The following CACNG3 variants were observed in gnomAD, a reference collection of about 807,000 sequenced individuals.
The protein encoded by CACNG3 is voltage-dependent calcium channel gamma-3 subunit.
A neutral mutation model predicts 28.5 loss-of-function variants in CACNG3; 3 were observed. The ratio of observed to expected loss-of-function variants is 0.11; its 90% CI spans 0.05 to 0.27. The LOEUF (loss-of-function observed/expected upper bound fraction) is 0.27, where lower values mean the gene tolerates loss of function less well. Ranked by LOEUF, CACNG3 falls within the 10% of genes least tolerant of loss-of-function variation. CACNG3 has a pLI of 1.00. For synonymous variants in CACNG3, 174 were observed against 162.2 expected (o/e 1.07, Z -0.55); for missense variants, 236 against 414.4 (o/e 0.57, Z 3.74).
At chr16:24,267,933 A>G (rs1442463526) in intron 1 of CACNG3, among the ~76,000 whole-genome samples, 1 of 152,152 alleles carries the variant, frequency 6.6e-6, no homozygotes, top group African/African-American at 2.4e-5. Context: ...GGCCTCCCAG[A>G]GTGCTGGGAT....
intron 1 of CACNG3, among the ~76,000 whole-genome samples, chr16:24,267,957 T>C (rs2189291): frequency 0.63 from 96,449 of 152,100 alleles, 31,321 homozygotes; most frequent in East Asian, 0.79. Context: ...AGCCGTGAGC[T>C]ACCGTGCCCG....
chr16:24,289,186 C>A (rs968638065), intron 1 of CACNG3, among the ~76,000 whole-genome samples: 23 of 152,154 alleles, frequency 1.5e-4, no homozygotes, highest in Non-Finnish European at 3.2e-4. Context: ...AGAGCTTCCC[C>A]TCTCCTTCCC....
chr16:24,297,821 A>G (rs1266804376), intron 1 of CACNG3, among the ~76,000 whole-genome samples: 1 of 152,202 alleles, frequency 6.6e-6, no homozygotes, highest in African/African-American at 2.4e-5. Flanking sequence ...AGACGTGGTC[A>G]GCAAGAAAAC....
chr16:24,296,009 A>G (rs1348069726), intron 1 of CACNG3, among the ~76,000 whole-genome samples: 3 of 152,234 alleles, frequency 2.0e-5, no homozygotes, highest in Non-Finnish European at 2.9e-5. Flanking sequence ...ACCTTTAGCT[A>G]TCATGCTCTA....
At chr16:24,321,750 G>A (rs1368411241) in intron 1 of CACNG3, among the ~76,000 whole-genome samples, 1 of 152,166 alleles carries the variant, frequency 6.6e-6, no homozygotes, top group African/African-American at 2.4e-5. Flanking sequence ...GTAAATTCAG[G>A]CAAGTTTTGC....
At chr16:24,288,575 G>T (rs1381485321) in intron 1 of CACNG3, among the ~76,000 whole-genome samples, 1 of 152,160 alleles carries the variant, frequency 6.6e-6, no homozygotes. Flanking sequence ...AAAGAAAACA[G>T]ATTTTATATC....
intron 1 of CACNG3, among the ~76,000 whole-genome samples, chr16:24,258,497 G>A (rs2141342320): frequency 6.6e-6 from 1 of 152,212 alleles, no homozygotes; most frequent in African/African-American, 2.4e-5. Context: ...TGGATTAGGT[G>A]GTCTTGAATT....
chr16:24,299,496 G>C (rs969264358), intron 1 of CACNG3, among the ~76,000 whole-genome samples: 1 of 152,172 alleles, frequency 6.6e-6, no homozygotes, highest in Non-Finnish European at 1.5e-5. Flanking sequence ...TGGTTCCTTT[G>C]ACTGGAGAAT....
chr16:24,354,519 G>A (rs1900002563), intron 2 of CACNG3, among the ~76,000 whole-genome samples: 1 of 152,120 alleles, frequency 6.6e-6, no homozygotes. Flanking sequence ...GGTAGAGAGT[G>A]GAGTTCCACA....
intron 1 of CACNG3, among the ~76,000 whole-genome samples, chr16:24,331,306 G>A (rs1899628559): frequency 6.6e-6 from 1 of 152,208 alleles, no homozygotes; most frequent in Non-Finnish European, 1.5e-5. Context: ...CTCAAAACCA[G>A]GCTCTTTAGA....
At chr16:24,286,168 A>G (rs1319930945) in intron 1 of CACNG3, among the ~76,000 whole-genome samples, 5 of 152,124 alleles carry the variant, frequency 3.3e-5, no homozygotes, top group Non-Finnish European at 7.4e-5. Context: ...TTGTTCATGG[A>G]CATTCATCTT....
At chr16:24,357,229 T>G (rs1323959205) in intron 3 of CACNG3, among the ~76,000 whole-genome samples, 3 of 92,694 alleles carry the variant, frequency 3.2e-5, no homozygotes, top group Admixed American at 1.3e-4. Flanking sequence ...TGACACTCCA[T>G]CTTAAAAAAA....
At chr16:24,288,666 A>C (rs1898926215) in intron 1 of CACNG3, among the ~76,000 whole-genome samples, 1 of 152,198 alleles carries the variant, frequency 6.6e-6, no homozygotes, top group South Asian at 2.1e-4. Context: ...TCATGGCCAC[A>C]CATACTGTCT....
Position 24,277,983 on chromosome 16 carries a change from G to A in CACNG3, c.211+21018G>A, listed in dbSNP as rs138839755. Among the ~76,000 whole-genome samples, 129 of 152,258 alleles carry A rather than the reference G, an allele frequency of 8.5e-4. 1 individual carries two copies. The highest frequency in any genetic ancestry group is 3.0e-3 in the African/African-American group (124 of 41,560). On this transcript the variant is annotated intron_variant, in intron 1 of 3. Coordinates refer to ENST00000005284, the MANE Select transcript of CACNG3 (RefSeq NM_006539.4). ...TTCTGCCTTGGACTCCCAAAGTGCT[G>A]GGATTACAGACATGAGCCACAGCAC... is the stretch of plus-strand genomic sequence containing the variant.
intron 2 of CACNG3, 28 bp from the exon 3 acceptor site, chr16:24,354,805 G>A: frequency 6.2e-7 from 1 of 1,607,880 alleles, no homozygotes; most frequent in Non-Finnish European, 8.5e-7. Context: ...CTGGGCACAG[G>A]CAGAAGCCTC....
chr16:24,360,180 T>C (rs189819500), intron 3 of CACNG3, among the ~76,000 whole-genome samples: 90 of 152,282 alleles, frequency 5.9e-4, no homozygotes, highest in African/African-American at 1.9e-3. Context: ...TGCCAGCTGG[T>C]GTACCAACAA....
chr16:24,349,886 G>A (rs1308269926), intron 2 of CACNG3, among the ~76,000 whole-genome samples: 1 of 152,200 alleles, frequency 6.6e-6, no homozygotes, highest in African/African-American at 2.4e-5. Flanking sequence ...TCTGACAGCA[G>A]AAGGTTCAAA....
intron 1 of CACNG3, among the ~76,000 whole-genome samples, chr16:24,277,543 G>A (rs1898767637): frequency 6.6e-6 from 1 of 152,152 alleles, no homozygotes; most frequent in Admixed American, 6.5e-5. Context: ...GGGAGGCCGA[G>A]GTGCGCGGAT....
In CACNG3 at chr16:24,257,286, G is replaced by A. The variant is rs952281735; in HGVS notation, c.211+321G>A. On this transcript the variant is annotated intron_variant, in intron 1 of 3. Coordinates refer to ENST00000005284, the MANE Select transcript of CACNG3 (RefSeq NM_006539.4). ...TGCTTGGATCTCTGGCTTGAGATGG[G>A]GTCTTTAACCCTGCTTAAATTGGAT... 3.1e-4 allele frequency among the ~76,000 whole-genome samples: 47 copies of A among 150,172 alleles called. 1 individual carries two copies. The highest frequency in any genetic ancestry group is 3.1e-3 in the Admixed American group (46 of 15,010).
Sources: gnomAD v4.1 joint callset for allele counts (sites outside exome capture counted in the v4.1 genomes callset) on GRCh38, gnomAD v4.1.1 for gene constraint, MANE v1.5 for transcripts, NCBI Gene and HGNC (gene_info 2026-07-23, HGNC 2026-07-21) for gene names.